Variants in GK5 observed in about 807,000 individuals in gnomAD.
GK5 encodes glycerol kinase 5.
In GK5, 39 loss-of-function variants were observed where a neutral mutation model predicts 77.3. The ratio of observed to expected loss-of-function variants is 0.50; its 90% CI spans 0.39 to 0.66. GK5 has a LOEUF of 0.66. Among genes scored for constraint, GK5 ranks in the 30% least tolerant of loss-of-function variants. The pLI is 0.00. For missense variants in GK5, 487 were observed against 633.8 expected (o/e 0.77, Z 2.49); for synonymous variants, 211 against 208.0 (o/e 1.01, Z -0.13).
At chr3:142,205,981 T>C (rs2064100372) in intron 3 of GK5, among the ~76,000 whole-genome samples, 1 of 152,226 alleles carries the variant, frequency 6.6e-6, no homozygotes, top group Non-Finnish European at 1.5e-5. Context: ...TCCAGGTATA[T>C]CATATATAAG....
At position 142,181,341 on chromosome 3, in the gene GK5, T is replaced by C. The variant is rs917068456; in HGVS notation, c.1048+120A>G. The C allele has an allele frequency of 9.2e-6, 5 of 544,024 alleles. No homozygotes were observed. In the Admixed American group the frequency reaches 1.5e-4, roughly 16 times the overall value. 33.7% of individuals were successfully genotyped at this position (544,024 alleles called of 1,614,324 possible). A position where few individuals can be genotyped will look rare whatever the true frequency, so the allele number is the denominator to read the frequency against. On this transcript the variant is annotated intron_variant, in intron 11 of 15. Transcript: ENST00000392993. ...ATACTTTATATTTTCTTTTAATAGA[T>C]GTCATTTTATTTTAGTGTTTCATTT... is the stretch of plus-strand genomic sequence containing the variant.
At chr3:142,179,118 C>T (rs763906496) in intron 11 of GK5, among the ~76,000 whole-genome samples, 6 of 152,062 alleles carry the variant, frequency 3.9e-5, no homozygotes, top group Non-Finnish European at 7.4e-5. Flanking sequence ...AAGACTCAGT[C>T]GTAATAAATA....
At chr3:142,186,614 C>T in intron 6 of GK5, 101 bp from the exon 7 acceptor site, 1 of 479,636 alleles carries the variant, frequency 2.1e-6, no homozygotes, top group Middle Eastern at 4.5e-4. Context: ...CAAATTCATT[C>T]CAAAATGTGT....
intron 4 of GK5, 117 bp from the exon 5 acceptor site, chr3:142,199,050 GT>G (rs1159661440): frequency 3.1e-6 from 2 of 646,070 alleles, no homozygotes; most frequent in African/African-American, 3.8e-5. Flanking sequence ...ACTTATAATA[GT>G]GTTTTCTGCA....
chr3:142,199,595 C>G (rs1391363427), intron 4 of GK5, among the ~76,000 whole-genome samples: 1 of 152,020 alleles, frequency 6.6e-6, no homozygotes, highest in Non-Finnish European at 1.5e-5. Flanking sequence ...CTAACACAGA[C>G]AGAAATTTCC....
In GK5 at chr3:142,184,239, C is replaced by T. The variant is rs578101543; in HGVS notation, c.817-1190G>A. Among the ~76,000 whole-genome samples, 27 of 105,890 alleles carry T rather than the reference C, an allele frequency of 2.5e-4. 1 individual carries two copies. Among genetic ancestry groups the T allele is most frequent in the South Asian group, 2.4e-3 (8 of 3,310 alleles). 69.5% of individuals were successfully genotyped at this position (105,890 alleles called of 152,430 possible). ...TCGCACCACTGCACTCTAGCCTGGGCGACAGAGTGAGACTCTGTCTCAAAA... is the reference window on the plus strand; with the variant it reads ...TCGCACCACTGCACTCTAGCCTGGGTGACAGAGTGAGACTCTGTCTCAAAA... On this transcript the variant is annotated intron_variant, in intron 9 of 15. Coordinates refer to ENST00000392993, the MANE Select transcript of GK5 (RefSeq NM_001039547.3).
chr3:142,189,965 T>C (rs1577125071), intron 5 of GK5, among the ~76,000 whole-genome samples: 1 of 151,874 alleles, frequency 6.6e-6, no homozygotes, highest in African/African-American at 2.4e-5. Context: ...ACCAGGCATA[T>C]GAAGAAACAA....
At chr3:142,166,635 GCAATTAT>G in intron 15 of GK5, among the ~76,000 whole-genome samples, 1 of 150,574 alleles carries the variant, frequency 6.6e-6, no homozygotes, top group East Asian at 2.0e-4. Context: ...CCGGGTTCAA[GCAATTAT>G]CCTGCCTGGG....
At chr3:142,182,850 TAA>T in intron 10 of GK5, 71 bp downstream of exon 10, 2 of 1,003,098 alleles carry the variant, frequency 2.0e-6, no homozygotes, top group Non-Finnish European at 3.0e-6. Context: ...GAAAATAGTA[TAA>T]GTATCACAGA....
At position 142,164,276 on chromosome 3, in the gene GK5, T is replaced by G. The variant is rs1020138335; in HGVS notation, c.*1346A>C. On this transcript the variant is annotated 3_prime_UTR_variant, in exon 16 of 16. Transcript: ENST00000392993. ...TAGTTACATTACTATGTAACTAAAATAGCTAGTTCTATAATAAAAGGATTT... is the reference window on the plus strand; with the variant it reads ...TAGTTACATTACTATGTAACTAAAAGAGCTAGTTCTATAATAAAAGGATTT... 4 of 152,172 alleles carry G rather than the reference T, an allele frequency of 2.6e-5. No individual in the cohort carries two copies. Among genetic ancestry groups the G allele is most frequent in the Non-Finnish European group, 5.9e-5 (4 of 68,036 alleles). The allele number at this position is 152,172 out of a possible 1,614,324, so 9.4% of individuals were successfully genotyped here.
At chr3:142,223,607 G>A (rs753702712) in intron 1 of GK5, among the ~76,000 whole-genome samples, 16 of 152,254 alleles carry the variant, frequency 1.1e-4, no homozygotes, top group Non-Finnish European at 1.9e-4. Flanking sequence ...GGGAGGCTGA[G>A]GCAGGCGGTT....
chr3:142,198,538 T>C (rs2063969779), intron 5 of GK5, among the ~76,000 whole-genome samples: 1 of 152,140 alleles, frequency 6.6e-6, no homozygotes, highest in South Asian at 2.1e-4. Context: ...CACTTGAACC[T>C]GGGAGCTGGA....
At chr3:142,195,297 T>C (rs925598845) in intron 5 of GK5, among the ~76,000 whole-genome samples, 3 of 152,174 alleles carry the variant, frequency 2.0e-5, no homozygotes, top group African/African-American at 7.2e-5. Flanking sequence ...TTTTTATATG[T>C]TGCTGGATTT....
At chr3:142,211,545 G>C (rs372172654) in intron 3 of GK5, among the ~76,000 whole-genome samples, 5 of 152,086 alleles carry the variant, frequency 3.3e-5, no homozygotes, top group Non-Finnish European at 7.4e-5. Flanking sequence ...TAATCCCAGC[G>C]CTTTGGGACG....
At chr3:142,220,232 G>C (rs2064323118) in intron 1 of GK5, among the ~76,000 whole-genome samples, 1 of 152,158 alleles carries the variant, frequency 6.6e-6, no homozygotes, top group Admixed American at 6.5e-5. Context: ...CCACCTCCCG[G>C]GTTCACACTT....
chr3:142,192,554 G>A (rs1385567024), intron 5 of GK5, among the ~76,000 whole-genome samples: 4 of 152,000 alleles, frequency 2.6e-5, no homozygotes, highest in South Asian at 2.1e-4. Flanking sequence ...ACTTAAGGTC[G>A]GGAGGTCGAG....
intron 15 of GK5, among the ~76,000 whole-genome samples, chr3:142,168,475 C>G (rs1207411115): frequency 3.3e-5 from 5 of 152,062 alleles, no homozygotes; most frequent in Non-Finnish European, 7.4e-5. Flanking sequence ...CCGAATTTAC[C>G]AAGATTTTAG....
chr3:142,182,814 A>C (rs2063715128), intron 10 of GK5, 109 bp downstream of exon 10: 1 of 686,700 alleles, frequency 1.5e-6, no homozygotes, highest in Non-Finnish European at 2.4e-6. Flanking sequence ...GAATAATAAA[A>C]TATGTTAGAG....
intron 5 of GK5, among the ~76,000 whole-genome samples, chr3:142,193,483 CA>C (rs1161095979): frequency 0.032 from 2,261 of 70,848 alleles, 10 homozygotes; most frequent in Non-Finnish European, 0.045. Context: ...TTGTCTGCTA[CA>C]AAAAAAAAAA....
Sources: gnomAD v4.1 joint callset for allele counts (sites outside exome capture counted in the v4.1 genomes callset) on GRCh38, gnomAD v4.1.1 for gene constraint, MANE v1.5 for transcripts, NCBI Gene and HGNC (gene_info 2026-07-23, HGNC 2026-07-21) for gene names.